Variants in CHST11 observed in about 807,000 individuals in gnomAD.
CHST11 encodes carbohydrate sulfotransferase 11, also known as C4S-1.
In CHST11, 9 loss-of-function variants were observed where a neutral mutation model predicts 30.4. The ratio of observed to expected loss-of-function variants is 0.30; its 90% CI spans 0.18 to 0.52. CHST11 has a LOEUF of 0.52. Among genes scored for constraint, CHST11 ranks in the 20% least tolerant of loss-of-function variants. CHST11 has a pLI of 0.97. For synonymous variants in CHST11, 152 were observed against 187.8 expected (o/e 0.81, Z 1.56); for missense variants, 348 against 460.6 (o/e 0.76, Z 2.24).
In CHST11 at chr12:104,486,114, G is replaced by C. The variant is rs947482352; in HGVS notation, c.118+28585G>C. The stretch of plus-strand genomic sequence containing the variant: ...CTGCCTGGGCTTTGGGGCTCCCTGT[G>C]CTGTGAATTTCACTTTGCTGGGTTA... On this transcript the variant is annotated intron_variant, in intron 1 of 2. Coordinates refer to ENST00000303694, the MANE Select transcript of CHST11 (RefSeq NM_018413.6). Among the ~76,000 whole-genome samples, 3 of 152,160 alleles carry C rather than the reference G, an allele frequency of 2.0e-5. No homozygotes were observed. The East Asian group carries it at 5.8e-4, about 29-fold the overall frequency.
At chr12:104,482,705 C>A (rs2037638837) in intron 1 of CHST11, among the ~76,000 whole-genome samples, 1 of 152,118 alleles carries the variant, frequency 6.6e-6, no homozygotes. Context: ...CTCACAACGG[C>A]CTCATAAGGT....
chr12:104,508,328 G>A (rs970724535), intron 1 of CHST11, among the ~76,000 whole-genome samples: 1 of 152,172 alleles, frequency 6.6e-6, no homozygotes, highest in East Asian at 1.9e-4. Flanking sequence ...TGGGCTTCAG[G>A]TGCTTCCTCT....
At chr12:104,584,936 T>G (rs935898686) in intron 1 of CHST11, among the ~76,000 whole-genome samples, 5 of 152,224 alleles carry the variant, frequency 3.3e-5, no homozygotes, top group African/African-American at 1.2e-4. Context: ...ATGGCTCCAG[T>G]AATGCAGTGC....
chr12:104,631,173 C>T (rs1470295093), intron 2 of CHST11, among the ~76,000 whole-genome samples: 6 of 152,096 alleles, frequency 3.9e-5, no homozygotes, highest in South Asian at 2.1e-4. Flanking sequence ...TTCGCAGTGG[C>T]GTATTTATGA....
intron 1 of CHST11, among the ~76,000 whole-genome samples, chr12:104,558,240 C>T (rs991099394): frequency 6.6e-6 from 1 of 152,104 alleles, no homozygotes; most frequent in African/African-American, 2.4e-5. Context: ...CGGGACCTGT[C>T]GAAGCCTTCG....
intron 2 of CHST11, among the ~76,000 whole-genome samples, chr12:104,738,291 C>T (rs950510031): frequency 4.6e-5 from 7 of 152,196 alleles, no homozygotes. Context: ...AGGTGCCCCG[C>T]TCTCTGTCGC....
intron 1 of CHST11, among the ~76,000 whole-genome samples, chr12:104,549,139 C>G (rs995524111): frequency 6.6e-6 from 1 of 152,162 alleles, no homozygotes; most frequent in Non-Finnish European, 1.5e-5. Flanking sequence ...ACTGGAGCCT[C>G]CTGTGTGCAG....
intron 1 of CHST11, among the ~76,000 whole-genome samples, chr12:104,541,356 T>C (rs760327508): frequency 5.3e-5 from 8 of 152,176 alleles, no homozygotes; most frequent in Non-Finnish European, 1.0e-4. Context: ...CTTTTGGGGG[T>C]ATTTCTTCTC....
At chr12:104,714,971 G>A (rs2040118944) in intron 2 of CHST11, among the ~76,000 whole-genome samples, 1 of 152,242 alleles carries the variant, frequency 6.6e-6, no homozygotes, top group Admixed American at 6.5e-5. Context: ...AGGCAGAGCT[G>A]TGGGAAGAGC....
chr12:104,462,645 G>A (rs923929834), intron 1 of CHST11, among the ~76,000 whole-genome samples: 9 of 152,128 alleles, frequency 5.9e-5, no homozygotes, highest in African/African-American at 1.9e-4. Context: ...TTATACACCT[G>A]AAACTTCCAT....
At chr12:104,540,330 G>A (rs1187774771) in intron 1 of CHST11, among the ~76,000 whole-genome samples, 4 of 151,202 alleles carry the variant, frequency 2.6e-5, no homozygotes, top group Non-Finnish European at 5.9e-5. Flanking sequence ...TGTAATTTGG[G>A]AGCCATAAAA....
At chr12:104,508,077 G>C (rs562965379) in intron 1 of CHST11, among the ~76,000 whole-genome samples, 1 of 152,106 alleles carries the variant, frequency 6.6e-6, no homozygotes, top group Non-Finnish European at 1.5e-5. Flanking sequence ...TGGTCTCCTC[G>C]ACCTTGAGAC....
At chr12:104,675,398 T>A (rs545277127) in intron 2 of CHST11, among the ~76,000 whole-genome samples, 60 of 152,374 alleles carry the variant, frequency 3.9e-4, no homozygotes, top group African/African-American at 1.4e-3. Context: ...ATTTGCCTTT[T>A]TCCCCCTGGG....
chr12:104,485,931 C>G (rs1007289900), intron 1 of CHST11, among the ~76,000 whole-genome samples: 2 of 152,218 alleles, frequency 1.3e-5, no homozygotes, highest in Admixed American at 1.3e-4. Flanking sequence ...TGAATTGGGC[C>G]TTTGCACGGC....
intron 1 of CHST11, among the ~76,000 whole-genome samples, chr12:104,574,774 G>A (rs1341346753): frequency 1.3e-5 from 2 of 151,484 alleles, no homozygotes; most frequent in Non-Finnish European, 2.9e-5. Flanking sequence ...GAGTTAATGG[G>A]TGCAGCACAC....
chr12:104,700,967 G>T (rs2039986824), intron 2 of CHST11, among the ~76,000 whole-genome samples: 1 of 152,160 alleles, frequency 6.6e-6, no homozygotes. Context: ...AATTAGCCAG[G>T]CATGGTGGTG....
intron 1 of CHST11, among the ~76,000 whole-genome samples, chr12:104,545,491 C>T (rs1168390943): frequency 6.6e-6 from 1 of 152,140 alleles, no homozygotes; most frequent in African/African-American, 2.4e-5. Flanking sequence ...CTCAGGTGGG[C>T]ACATGCTTGG....
intron 1 of CHST11, among the ~76,000 whole-genome samples, chr12:104,471,962 T>A (rs575243002): frequency 2.2e-4 from 33 of 150,214 alleles, no homozygotes; most frequent in East Asian, 1.2e-3. Flanking sequence ...CACCCTAATT[T>A]AAAAAAAAAA....
At chr12:104,510,671 A>C (rs1330196772) in intron 1 of CHST11, among the ~76,000 whole-genome samples, 6 of 152,212 alleles carry the variant, frequency 3.9e-5, no homozygotes, top group Non-Finnish European at 8.8e-5. Context: ...TAATCAATAC[A>C]AGGGAGACAT....
Sources: gnomAD v4.1 joint callset for allele counts (sites outside exome capture counted in the v4.1 genomes callset) on GRCh38, gnomAD v4.1.1 for gene constraint, MANE v1.5 for transcripts, NCBI Gene and HGNC (gene_info 2026-07-23, HGNC 2026-07-21) for gene names.